The following CD164 variants were observed in gnomAD, a reference collection of about 807,000 sequenced individuals.
The protein encoded by CD164 is sialomucin core protein 24.
In CD164, 11 loss-of-function variants were observed where a neutral mutation model predicts 24.6. The ratio of observed to expected loss-of-function variants is 0.45; its 90% CI spans 0.28 to 0.74. CD164 has a LOEUF of 0.74. Ranked by LOEUF, CD164 falls within the 30% of genes least tolerant of loss-of-function variation. CD164 has a pLI of 0.13. For synonymous variants in CD164, 126 were observed against 100.3 expected (o/e 1.26, Z -1.53); for missense variants, 295 against 243.7 (o/e 1.21, Z -1.40).
In CD164 at chr6:109,382,190, G is replaced by A. The variant is rs769829202; in HGVS notation, c.175+14C>T. On this transcript the variant is annotated intron_variant, in intron 1 of 5. Coordinates refer to ENST00000310786, the MANE Select transcript of CD164 (RefSeq NM_006016.6). ...GGCAGGGGAGGGCGGGAAGCCCACA[G>A]GGCCCGCGCCCACCTGGTGCCGGAG... is the stretch of plus-strand genomic sequence containing the variant. 5 of 1,531,886 alleles carry A rather than the reference G, an allele frequency of 3.3e-6. No homozygotes were observed. The highest frequency in any genetic ancestry group is 4.4e-6 in the Non-Finnish European group (5 of 1,145,750). The allele number at this position is 1,531,886 out of a possible 1,614,324, so 94.9% of individuals were successfully genotyped here. A position where few individuals can be genotyped will look rare whatever the true frequency, so the allele number is the denominator to read the frequency against.
chr6:109,371,856 G>C (rs544818554), intron 4 of CD164: 4 of 152,598 alleles, frequency 2.6e-5, no homozygotes, highest in Non-Finnish European at 5.9e-5. Context: ...TCAATATGAG[G>C]ATATGCTTAT....
chr6:109,374,744 C>G (rs982187108), intron 4 of CD164, among the ~76,000 whole-genome samples: 3 of 152,174 alleles, frequency 2.0e-5, no homozygotes, highest in African/African-American at 7.2e-5. Flanking sequence ...CAGGATGGGA[C>G]ACTCTTTGAA....
chr6:109,379,606 T>G lies in CD164; in HGVS notation c.232A>C (p.Thr78Pro). 1 of 1,613,518 alleles carries G rather than the reference T, an allele frequency of 6.2e-7. No individual in the cohort carries two copies. Among genetic ancestry groups the G allele is most frequent in the Non-Finnish European group, 8.5e-7 (1 of 1,179,790 alleles). The stretch of plus-strand genomic sequence containing the variant: ...TTACATTCTATCCAAAAGCAGGTAG[T>G]ATTAACAACGCTAACATTAAAACAG... ...VSCFNVSVVN[T>P]TCFWIECKDE... The change falls in exon 2 of 6, where the codon ACT becomes CCT. Residue 78 changes from threonine (T) to proline (P), a missense_variant. Physicochemically the swap from Thr to Pro is conservative, Grantham distance 38. Transcript: ENST00000310786.
chr6:109,379,919 T>C (rs1582491665), intron 1 of CD164: 1 of 300,984 alleles, frequency 3.3e-6, no homozygotes, highest in Non-Finnish European at 6.2e-6. Flanking sequence ...CAATCCTTTT[T>C]CACAGGACAA....
chr6:109,366,957 G>A lies in CD164; in HGVS notation c.*1894C>T, dbSNP rs1353616133. ...CATATGTTGACATGAATGTGTGTCAGGGAATTCATACCCAGGTAAATGACA... is the reference window on the plus strand; with the variant it reads ...CATATGTTGACATGAATGTGTGTCAAGGAATTCATACCCAGGTAAATGACA... On this transcript the variant is annotated 3_prime_UTR_variant, in exon 6 of 6. Transcript: ENST00000310786. 1 of 152,160 alleles carries A rather than the reference G, an allele frequency of 6.6e-6. No individual in the cohort carries two copies. Among genetic ancestry groups the A allele is most frequent in the East Asian group, 1.9e-4 (1 of 5,196 alleles). The allele number at this position is 152,160 out of a possible 1,614,324, so 9.4% of individuals were successfully genotyped here.
Position 109,379,570 on chromosome 6 carries a change from G to A in CD164, c.259+9C>T. Reference sequence around the variant, plus strand: ...AACAAAACAGTTTTGCATCCCCAAAGTTTCTTACCTTTACATTCTATCCAA... The same window carrying A: ...AACAAAACAGTTTTGCATCCCCAAAATTTCTTACCTTTACATTCTATCCAA... On this transcript the variant is annotated intron_variant, in intron 2 of 5. Transcript: ENST00000310786. 1.9e-6 allele frequency: 3 copies of A among 1,595,768 alleles called. No homozygotes were observed. Among genetic ancestry groups the A allele is most frequent in the African/African-American group, 1.3e-5 (1 of 74,178 alleles).
chr6:109,378,031 G>T, intron 2 of CD164, 60 bp from the exon 3 acceptor site: 1 of 1,357,744 alleles, frequency 7.4e-7, no homozygotes, highest in South Asian at 1.2e-5. Context: ...TATTATCTTT[G>T]ACTCTGCTAC....
rs1459173576 is a variant in CD164, at chr6:109,379,816, GAA to G, written c.176-156_176-155del. ...ATAAAACTTTATACTGGTTTACTAA[GAA>G]ATTCCAATCATTACAAAGCTGTAAG... On this transcript the variant is annotated intron_variant, in intron 1 of 5. Coordinates refer to ENST00000310786, the MANE Select transcript of CD164 (RefSeq NM_006016.6). The G allele has an allele frequency of 6.8e-6, 4 of 588,850 alleles. No individual in the cohort carries two copies. The African/African-American group carries it at 7.6e-5, about 11-fold the overall frequency. 36.5% of individuals were successfully genotyped at this position (588,850 alleles called of 1,614,324 possible).
chr6:109,370,239 A>G (rs1771000831), intron 5 of CD164, among the ~76,000 whole-genome samples, 172 bp downstream of exon 5: 1 of 152,234 alleles, frequency 6.6e-6, no homozygotes, highest in African/African-American at 2.4e-5. Context: ...ATCTCAGCAA[A>G]GCTATCATTA....
At chr6:109,375,631 G>GAAAAAAAAAA (rs983082181) in intron 4 of CD164, among the ~76,000 whole-genome samples, 3 of 100,146 alleles carry the variant, frequency 3.0e-5, no homozygotes, top group African/African-American at 1.1e-4. Context: ...AAAAAAAAAA[G>GAAAAAAAAAA]AAAAGAAAAA....
intron 1 of CD164, 75 bp downstream of exon 1, chr6:109,382,129 C>T (rs1771791688): frequency 2.4e-6 from 3 of 1,274,396 alleles, no homozygotes; most frequent in Non-Finnish European, 3.0e-6. Flanking sequence ...AACCCGGGCC[C>T]CGCCCGCACG....
At chr6:109,377,471 A>G (rs1181029727) in intron 3 of CD164, among the ~76,000 whole-genome samples, 6 of 152,174 alleles carry the variant, frequency 3.9e-5, no homozygotes, top group Non-Finnish European at 8.8e-5. Context: ...TAAAATACAG[A>G]AAATGGATGG....
At chr6:109,378,309 A>T (rs971170648) in intron 2 of CD164, among the ~76,000 whole-genome samples, 1 of 152,200 alleles carries the variant, frequency 6.6e-6, no homozygotes, top group Non-Finnish European at 1.5e-5. Flanking sequence ...AAAAGTGGGC[A>T]GGTGGCTCAC....
chr6:109,378,013 C>G lies in CD164; in HGVS notation c.260-42G>C, dbSNP rs375609614. The G allele has an allele frequency of 4.0e-6, 6 of 1,496,526 alleles. No individual in the cohort carries two copies. In the African/African-American group the frequency reaches 8.3e-5, roughly 21 times the overall value. 92.7% of individuals were successfully genotyped at this position (1,496,526 alleles called of 1,614,324 possible). A position where few individuals can be genotyped will look rare whatever the true frequency, so the allele number is the denominator to read the frequency against. ...GAAAAGAGACAAACAGCATCAACCA[C>G]CCATTTGTATTATCTTTGACTCTGC... On this transcript the variant is annotated intron_variant, in intron 2 of 5. Transcript: ENST00000310786.
chr6:109,382,309 C>G lies in CD164; in HGVS notation c.70G>C (p.Asp24His). 1 of 1,579,924 alleles carries G rather than the reference C, an allele frequency of 6.3e-7. No individual in the cohort carries two copies. The highest frequency in any genetic ancestry group is 8.6e-7 in the Non-Finnish European group (1 of 1,166,538). Residue 24 changes from aspartate (D) to histidine (H), a missense_variant, in exon 1 of 6, where the codon GAC becomes CAC. Transcript: ENST00000310786. ...TTCGGGTGCTGGGTCGTGTTCTTGT[C>G]CGCGGACAGCACGCAGAGCACGCCC... ...CLGVLCVLSA[D>H]KNTTQHPNVT...
At position 109,368,872 on chromosome 6, in the gene CD164, T is replaced by C; in HGVS notation, c.573A>G (p.Glu191=). Reference sequence around the variant, plus strand: ...CTGTTTACAGAGTGTGGTAATTTCGTTCTTTAGATTTGCAGAATTTATAAA... The same window carrying C: ...CTGTTTACAGAGTGTGGTAATTTCGCTCTTTAGATTTGCAGAATTTATAAA... ...FFLYKFCKSK[E]RNYHTL is the part of the protein sequence containing the mutation. The change falls in exon 6 of 6, where the codon GAA becomes GAG. Residue 191 remains glutamate (E), a synonymous_variant. Transcript: ENST00000310786. 1 of 1,613,050 alleles carries C rather than the reference T, an allele frequency of 6.2e-7. No individual in the cohort carries two copies. Among genetic ancestry groups the C allele is most frequent in the Non-Finnish European group, 8.5e-7 (1 of 1,179,644 alleles).
intron 2 of CD164, among the ~76,000 whole-genome samples, chr6:109,378,900 C>T (rs1025150850): frequency 2.0e-5 from 3 of 150,194 alleles, no homozygotes; most frequent in Non-Finnish European, 4.4e-5. Context: ...AAAAAAAAAC[C>T]GCCAAAACAA....
At chr6:109,373,399 C>T (rs1295672247) in intron 4 of CD164, among the ~76,000 whole-genome samples, 4 of 152,286 alleles carry the variant, frequency 2.6e-5, no homozygotes, top group African/African-American at 9.6e-5. Context: ...CTTCGGCAGA[C>T]GGTACACATG....
chr6:109,379,902 G>C, intron 1 of CD164: 1 of 349,956 alleles, frequency 2.9e-6, no homozygotes, highest in South Asian at 4.2e-5. Context: ...GATGGTATCT[G>C]TCTAACCAAT....
Sources: gnomAD v4.1 joint callset for allele counts (sites outside exome capture counted in the v4.1 genomes callset) on GRCh38, gnomAD v4.1.1 for gene constraint, MANE v1.5 for transcripts, NCBI Gene and HGNC (gene_info 2026-07-23, HGNC 2026-07-21) for gene names.